The following EPS8L2 variants were observed in gnomAD, a reference collection of about 807,000 sequenced individuals.
The protein encoded by EPS8L2 is epidermal growth factor receptor kinase substrate 8-like protein 2.
In EPS8L2, 81 loss-of-function variants were observed where a neutral mutation model predicts 99.4. The observed-to-expected ratio is 0.82, with a 90% CI of 0.68 to 0.98. The LOEUF is 0.98. EPS8L2 is among the 50% of genes least tolerant of loss of function. The pLI is 0.00. For synonymous variants in EPS8L2, 509 were observed against 407.3 expected (o/e 1.25, Z -3.01); for missense variants, 1,155 against 968.8 (o/e 1.19, Z -2.55).
chr11:714,147 C>G (rs1392546420), intron 4 of EPS8L2, among the ~76,000 whole-genome samples: 5 of 152,108 alleles, frequency 3.3e-5, no homozygotes, highest in Non-Finnish European at 7.3e-5. Flanking sequence ...GACCAAATTT[C>G]TGGAGATTTC....
intron 9 of EPS8L2, 52 bp downstream of exon 9, chr11:721,404 G>C: frequency 1.3e-6 from 2 of 1,530,230 alleles, no homozygotes; most frequent in Non-Finnish European, 1.8e-6. Context: ...CCCCAGCAGT[G>C]GACACTGGTC....
Position 725,762 on chromosome 11 carries a change from G to T in EPS8L2, c.1595G>T (p.Arg532Leu). 7.4e-7 allele frequency: 1 copy of T among 1,347,938 alleles called. No homozygotes were observed. The highest frequency in any genetic ancestry group is 2.9e-5 in the East Asian group (1 of 34,552). The allele number at this position is 1,347,938 out of a possible 1,614,324, so 83.5% of individuals were successfully genotyped here. The change falls in exon 17 of 21, where the codon CGC becomes CTC. Residue 532 changes from arginine (R) to leucine (L), a missense_variant. Arg to Leu is a moderately radical substitution (Grantham distance 102). Coordinates refer to ENST00000318562, the MANE Select transcript of EPS8L2 (RefSeq NM_022772.4). ...GACGGCCGGCAGTGGTGGAAGCTGC[G>T]CAGCCGCAGCGGCCAGGCGGGGTAC... Reference protein sequence around the residue: ...LEDGRQWWKLRSRSGQAGYVP... With the variant: ...LEDGRQWWKLLSRSGQAGYVP...
Position 726,549 on chromosome 11 carries a change from C to T in EPS8L2, c.1934+65C>T, listed in dbSNP as rs528842025. The T allele has an allele frequency of 3.4e-4, 516 of 1,508,604 alleles. 1 individual carries two copies. In the Middle Eastern group the frequency reaches 4.9e-3, roughly 14 times the overall value. The allele number at this position is 1,508,604 out of a possible 1,614,324, so 93.5% of individuals were successfully genotyped here. A position where few individuals can be genotyped will look rare whatever the true frequency, so the allele number is the denominator to read the frequency against. On this transcript the variant is annotated intron_variant, in intron 19 of 20. Transcript: ENST00000318562. ...GGTGGGAGGTGCGGCCGAAGGTGCG[C>T]AGCTGTCGGGGCGGGCGCCAGGCAG...
chr11:710,561 TC>T, intron 4 of EPS8L2, 75 bp downstream of exon 4: 1 of 1,311,742 alleles, frequency 7.6e-7, no homozygotes, highest in Non-Finnish European at 1.1e-6. Context: ...GGTTCTCGTC[TC>T]CACAAAAAAT....
intron 16 of EPS8L2, 48 bp from the exon 17 acceptor site, chr11:725,680 G>T (rs747590790): frequency 3.9e-6 from 5 of 1,292,814 alleles, no homozygotes; most frequent in Non-Finnish European, 4.9e-6. Context: ...GGTGGTCCCA[G>T]CCCCGCAGAG....
Position 709,366 on chromosome 11 carries a change from C to T in EPS8L2, c.-42C>T, listed in dbSNP as rs1190268597. The T allele has an allele frequency of 3.2e-6, 5 of 1,556,066 alleles. No homozygotes were observed. Among genetic ancestry groups the T allele is most frequent in the Non-Finnish European group, 4.3e-6 (5 of 1,151,012 alleles). On this transcript the variant is annotated 5_prime_UTR_variant, in exon 2 of 21. Coordinates refer to ENST00000318562, the MANE Select transcript of EPS8L2 (RefSeq NM_022772.4). ...GCACTGGCCTCAGACCGGGGCCACACTGAGGTCTGCCCTTCTCCCGCTGGC... is the reference window on the plus strand; with the variant it reads ...GCACTGGCCTCAGACCGGGGCCACATTGAGGTCTGCCCTTCTCCCGCTGGC...
chr11:710,592 G>A, intron 4 of EPS8L2, 106 bp downstream of exon 4: 1 of 1,124,116 alleles, frequency 8.9e-7, no homozygotes, highest in Non-Finnish European at 1.3e-6. Context: ...AGACGGGCAT[G>A]GTGGTGCCGG....
Position 726,486 on chromosome 11 carries a change from TGAGCGG to T in EPS8L2, c.1934+4_1934+9del. On this transcript the variant is annotated splice_donor_5th_base_variant and intron_variant, in intron 19 of 20. Coordinates refer to ENST00000318562, the MANE Select transcript of EPS8L2 (RefSeq NM_022772.4). ...GGAAGCCAAGGCCTTCAGCCCGCGGTGAGCGGGGGCGGGGGATGAGCTGGGGCCCGG... is the reference window on the plus strand; with the variant it reads ...GGAAGCCAAGGCCTTCAGCCCGCGGTGGGCGGGGGATGAGCTGGGGCCCGG... 1.9e-6 allele frequency: 3 copies of T among 1,542,418 alleles called. No individual in the cohort carries two copies. Among genetic ancestry groups the T allele is most frequent in the Non-Finnish European group, 1.7e-6 (2 of 1,144,860 alleles).
Position 711,265 on chromosome 11 carries a change from CGTGCGT to C in EPS8L2, c.165+783_165+788del, listed in dbSNP as rs1205530606. On this transcript the variant is annotated intron_variant, in intron 4 of 20. Transcript: ENST00000318562. Reference sequence around the variant, plus strand: ...GTGTGCGTGTGTGCGTGTGTGCGTGCGTGCGTGTGTGTGTGTGTGTGTGTGTCTTTT... The same window carrying C: ...GTGTGCGTGTGTGCGTGTGTGCGTGCGTGTGTGTGTGTGTGTGTGTCTTTT... 1.1e-3 allele frequency among the ~76,000 whole-genome samples: 137 copies of C among 123,776 alleles called. 1 individual carries two copies. Among genetic ancestry groups the C allele is most frequent in the East Asian group, 3.2e-3 (14 of 4,354 alleles). 81.2% of individuals were successfully genotyped at this position (123,776 alleles called of 152,430 possible).
chr11:706,993 T>C (rs1861741117), intron 1 of EPS8L2, among the ~76,000 whole-genome samples: 1 of 151,566 alleles, frequency 6.6e-6, no homozygotes, highest in South Asian at 2.1e-4. Context: ...CTGCGGGGTG[T>C]CCCTGGTGGC....
rs147750566 is a variant in EPS8L2 at position 722,160 on chromosome 11, G to C, written c.1054G>C (p.Asp352His). 5.6e-5 allele frequency: 91 copies of C among 1,612,376 alleles called. No individual in the cohort carries two copies. The African/African-American group carries it at 9.9e-4, about 17-fold the overall frequency. The change falls in exon 12 of 21, where the codon GAC becomes CAC. Residue 352 changes from aspartate (D) to histidine (H), a missense_variant. Physicochemically the swap from Asp to His is moderately conservative, Grantham distance 81. Transcript: ENST00000318562. ...CGTGCACTTCCTCTTCGGGCCTCTG[G>C]ACCTGGTGCCTGGGGCCGGGCGGCA... Reference protein sequence around the residue: ...ELVHFLFGPLDLIVNTCSGPD... With the variant: ...ELVHFLFGPLHLIVNTCSGPD...
chr11:719,272 A>G (rs1445052377), intron 4 of EPS8L2, among the ~76,000 whole-genome samples: 1 of 152,178 alleles, frequency 6.6e-6, no homozygotes, highest in African/African-American at 2.4e-5. Context: ...CGGCCACACA[A>G]ACTTTTATGT....
In EPS8L2 at chr11:709,623, A is replaced by C. The variant is rs756560068; in HGVS notation, c.100+15A>C. 6.2e-7 allele frequency: 1 copy of C among 1,612,412 alleles called. No individual in the cohort carries two copies. The highest frequency in any genetic ancestry group is 2.2e-5 in the East Asian group (1 of 44,866). On this transcript the variant is annotated intron_variant, in intron 3 of 20. Transcript: ENST00000318562. ...GGACCTGTTTGGTGAGTGAGGTTTG[A>C]GAACGGGCTGGACGTCACAGGGGAG...
intron 11 of EPS8L2, 45 bp downstream of exon 11, chr11:722,036 G>C: frequency 6.2e-7 from 1 of 1,608,056 alleles, no homozygotes; most frequent in Non-Finnish European, 8.5e-7. Context: ...TGTGCTGAGG[G>C]GAGGGTGGAG....
intron 4 of EPS8L2, among the ~76,000 whole-genome samples, chr11:715,096 G>C (rs1222136150): frequency 6.6e-6 from 1 of 152,144 alleles, no homozygotes; most frequent in Non-Finnish European, 1.5e-5. Context: ...CAAAAAATTA[G>C]CCAGGTGGGA....
Position 721,906 on chromosome 11 carries a change from G to C in EPS8L2, c.899G>C (p.Gly300Ala). The part of the protein sequence containing the change: ...KKKGKKAPAE[G>A]VLTLRARPPS... ...CACGCGGTGCCTCCCATGCCAGAGGGCGTCCTCACACTGCGGGCACGGCCC... is the reference window on the plus strand; with the variant it reads ...CACGCGGTGCCTCCCATGCCAGAGGCCGTCCTCACACTGCGGGCACGGCCC... The change falls in exon 11 of 21, where the codon GGC (glycine) becomes GCC (alanine). Residue 300 changes from glycine to alanine, a missense_variant. Coordinates refer to ENST00000318562, the MANE Select transcript of EPS8L2 (RefSeq NM_022772.4). The C allele has an allele frequency of 6.3e-7, 1 of 1,586,390 alleles. No individual in the cohort carries two copies. Among genetic ancestry groups the C allele is most frequent in the Non-Finnish European group, 8.6e-7 (1 of 1,166,976 alleles).
rs189976406 is a variant in EPS8L2 at position 717,586 on chromosome 11, A to G, written c.166-2476A>G. Reference sequence around the variant, plus strand: ...ATTGGGCAATAGAATAGGTAAAAAAACACAATTCCTGGCTGGGCGAGGTGG... The same window carrying G: ...ATTGGGCAATAGAATAGGTAAAAAAGCACAATTCCTGGCTGGGCGAGGTGG... On this transcript the variant is annotated intron_variant, in intron 4 of 20. Coordinates refer to ENST00000318562, the MANE Select transcript of EPS8L2 (RefSeq NM_022772.4). Among the ~76,000 whole-genome samples the G allele has an allele frequency of 5.9e-5, 9 of 152,314 alleles. No homozygotes were observed. In the East Asian group the frequency reaches 1.7e-3, roughly 29 times the overall value.
At chr11:721,391 C>T (rs1472849778) in intron 9 of EPS8L2, 39 bp downstream of exon 9, 2 of 1,535,104 alleles carry the variant, frequency 1.3e-6, no homozygotes, top group Admixed American at 2.0e-5. Flanking sequence ...CTCTCTTCCC[C>T]GCCCCCAGCA....
At position 727,624 on chromosome 11, in the gene EPS8L2, G is replaced by C. The variant is rs15215; in HGVS notation, c.*643G>C. 1 of 153,418 alleles carries C rather than the reference G, an allele frequency of 6.5e-6. No individual in the cohort carries two copies. The highest frequency in any genetic ancestry group is 2.4e-5 in the African/African-American group (1 of 41,460). The allele number at this position is 153,418 out of a possible 1,614,324, so 9.5% of individuals were successfully genotyped here. A position where few individuals can be genotyped will look rare whatever the true frequency, so the allele number is the denominator to read the frequency against. On this transcript the variant is annotated 3_prime_UTR_variant, in exon 21 of 21. Coordinates refer to ENST00000318562, the MANE Select transcript of EPS8L2 (RefSeq NM_022772.4). ...GGCCAATGATCCCCGCATGGTGTTG[G>C]GGGTGCTGGTGTGTCTTGGTGCCTG... is the stretch of plus-strand genomic sequence containing the variant.
Sources: allele counts gnomAD v4.1 joint callset (sites outside exome capture counted in the v4.1 genomes callset), GRCh38; gene constraint gnomAD v4.1.1; transcripts MANE v1.5; gene names NCBI Gene and HGNC (gene_info 2026-07-23, HGNC 2026-07-21).